ATRN: variants seen among roughly 807,000 people sequenced by gnomAD.
The protein encoded by ATRN is attractin.
Under a neutral mutation model 178.7 loss-of-function variants are expected in ATRN, and 54 were observed. The observed-to-expected ratio is 0.30, with a 90% confidence interval of 0.24 to 0.38. ATRN has a LOEUF of 0.38. ATRN is among the 10% of genes least tolerant of loss of function. The pLI, the probability that ATRN is intolerant of heterozygous loss-of-function variation, is 1.00. For missense variants in ATRN, 1,443 were observed against 1,815.1 expected, an observed-to-expected ratio of 0.79 and a Z score of 3.73; for synonymous variants, 636 against 663.0, an observed-to-expected ratio of 0.96 and a Z score of 0.63.
chr20:3,540,481 C>A, intron 3 of ATRN, 146 bp downstream of exon 3: 1 of 577,052 alleles, frequency 1.7e-6, no homozygotes, highest in Non-Finnish European at 3.0e-6. Context: ...AGTCCCATCA[C>A]TTGTGTGTTA....
Position 3,560,988 on chromosome 20 carries a change from T to C in ATRN, c.1447+83T>C, listed in dbSNP as rs1265726816. ...TTATTATTTTGACTGTTTAGAAAAG[T>C]TCAACCTAATCTTGATTCGGTACTT... On this transcript the variant is annotated intron_variant, in intron 8 of 28. Transcript: ENST00000262919. 4 of 1,479,898 alleles carry C rather than the reference T, an allele frequency of 2.7e-6. No homozygotes were observed. In the African/African-American group the frequency reaches 5.6e-5, roughly 21 times the overall value. The allele number at this position is 1,479,898 out of a possible 1,614,324, so 91.7% of individuals were successfully genotyped here. A position where few individuals can be genotyped will look rare whatever the true frequency, so the allele number is the denominator to read the frequency against.
At chr20:3,545,364 CAAA>C (rs1332216289) in intron 3 of ATRN, among the ~76,000 whole-genome samples, 4 of 86,334 alleles carry the variant, frequency 4.6e-5, no homozygotes, top group Admixed American at 1.3e-4. Context: ...AACTCTGTCT[CAAA>C]AAAAAAAAAA....
intron 2 of ATRN, among the ~76,000 whole-genome samples, chr20:3,537,465 G>T (rs2085552336): frequency 1.3e-5 from 2 of 151,000 alleles, no homozygotes; most frequent in South Asian, 2.1e-4. Flanking sequence ...TTAAGCAAAA[G>T]AAGTGTTTTA....
intron 1 of ATRN, among the ~76,000 whole-genome samples, chr20:3,518,069 G>A (rs190276143): frequency 2.6e-5 from 4 of 152,320 alleles, no homozygotes; most frequent in African/African-American, 4.8e-5. Flanking sequence ...GCTATCTTCA[G>A]TGTGTTCTGT....
intron 4 of ATRN, among the ~76,000 whole-genome samples, chr20:3,546,389 GTTT>G (rs559052230): frequency 1.8e-5 from 2 of 113,404 alleles, no homozygotes. Context: ...TAGTTCAACT[GTTT>G]TTTTTTTTTT....
At chr20:3,564,761 T>G (rs1401361775) in intron 10 of ATRN, among the ~76,000 whole-genome samples, 1 of 152,196 alleles carries the variant, frequency 6.6e-6, no homozygotes, top group Non-Finnish European at 1.5e-5. Context: ...ATGTAAAATT[T>G]GCTTGCTTTA....
At position 3,512,032 on chromosome 20, in the gene ATRN, T is replaced by C. The variant is rs1257460272; in HGVS notation, c.411-23221T>C. ...GGCAAAAAGAAAAGCTAGTTTTACC[T>C]GACTTTTTTTTTTTTTGGAAGGCCT... On this transcript the variant is annotated intron_variant, in intron 1 of 28. Coordinates refer to ENST00000262919, the MANE Select transcript of ATRN (RefSeq NM_139321.3). Among the ~76,000 whole-genome samples, 4 of 135,622 alleles carry C rather than the reference T, an allele frequency of 2.9e-5. No individual in the cohort carries two copies. The East Asian group carries it at 5.9e-4, about 20-fold the overall frequency. 89.0% of individuals were successfully genotyped at this position (135,622 alleles called of 152,430 possible).
At chr20:3,498,797 A>G (rs1296839474) in intron 1 of ATRN, among the ~76,000 whole-genome samples, 1 of 145,892 alleles carries the variant, frequency 6.9e-6, no homozygotes, top group East Asian at 1.9e-4. Context: ...CTCTCTCACC[A>G]CTCCTATTCA....
rs2086437398 is a variant in ATRN at position 3,591,204 on chromosome 20, CAG to C, written c.3223_3224del (p.Ser1075HisfsTer3). 1 of 1,614,014 alleles carries C rather than the reference CAG, an allele frequency of 6.2e-7. No homozygotes were observed. Among genetic ancestry groups the C allele is most frequent in the African/African-American group, 1.3e-5 (1 of 74,934 alleles). On this transcript the variant is annotated frameshift_variant, in exon 19 of 29. Transcript: ENST00000262919. LOFTEE classifies it high-confidence loss of function. Reference sequence around the variant, plus strand: ...CAACGGCCACAGTAAATGCATCAATCAGAGCATCTGTGAGAAGTGTGAGAACC... The same window carrying C: ...CAACGGCCACAGTAAATGCATCAATCAGCATCTGTGAGAAGTGTGAGAACC... ...QCNGHSKCINQSICEKCENLT... is the reference protein window; with the variant it reads ...QCNGHSKCINXSICEKCENLT...
intron 3 of ATRN, among the ~76,000 whole-genome samples, chr20:3,543,317 G>A (rs1237369526): frequency 6.6e-6 from 1 of 152,222 alleles, no homozygotes; most frequent in African/African-American, 2.4e-5. Context: ...CTCACATGTA[G>A]TAAGTGCTTA....
At position 3,571,832 on chromosome 20, in the gene ATRN, T is replaced by C. The variant is rs192058391; in HGVS notation, c.1872-899T>C. The stretch of plus-strand genomic sequence containing the variant: ...CCATGTAAAACGTCTTTTTAATTCA[T>C]ATGACCAGATTTTTCAATCTTCTTT... On this transcript the variant is annotated intron_variant, in intron 11 of 28. Transcript: ENST00000262919. 5.9e-5 allele frequency among the ~76,000 whole-genome samples: 9 copies of C among 152,302 alleles called. No homozygotes were observed. The East Asian group carries it at 1.7e-3, about 29-fold the overall frequency.
intron 1 of ATRN, among the ~76,000 whole-genome samples, chr20:3,483,830 G>GA (rs1294357554): frequency 6.6e-6 from 1 of 152,062 alleles, no homozygotes; most frequent in Non-Finnish European, 1.5e-5. Context: ...GAGTTGAAGA[G>GA]ATACAATTTC....
At chr20:3,494,435 G>A (rs2084849979) in intron 1 of ATRN, among the ~76,000 whole-genome samples, 1 of 152,126 alleles carries the variant, frequency 6.6e-6, no homozygotes, top group South Asian at 2.1e-4. Context: ...AGGTGGCTCT[G>A]CAAAGAACTG....
At chr20:3,580,866 A>G (rs994236468) in intron 15 of ATRN, among the ~76,000 whole-genome samples, 2 of 152,214 alleles carry the variant, frequency 1.3e-5, no homozygotes, top group African/African-American at 4.8e-5. Context: ...GGGCCTTTAA[A>G]AAGTATTTTT....
chr20:3,535,218 C>T (rs911477530), intron 1 of ATRN, 35 bp from the exon 2 acceptor site: 1 of 1,029,892 alleles, frequency 9.7e-7, no homozygotes, highest in Non-Finnish European at 1.3e-6. Flanking sequence ...ATTAATATAG[C>T]AGACTTAAGT....
intron 27 of ATRN, among the ~76,000 whole-genome samples, chr20:3,642,329 G>A (rs2087075648): frequency 6.6e-6 from 1 of 152,182 alleles, no homozygotes; most frequent in South Asian, 2.1e-4. Flanking sequence ...CATGGCCATG[G>A]CCAAACTGAG....
chr20:3,552,966 C>T (rs1020397619), intron 6 of ATRN, among the ~76,000 whole-genome samples: 7 of 152,044 alleles, frequency 4.6e-5, no homozygotes, highest in Admixed American at 1.3e-4. Context: ...CTATCATCTT[C>T]GCCATATTCT....
chr20:3,505,909 G>A (rs993999074), intron 1 of ATRN, among the ~76,000 whole-genome samples: 11 of 152,194 alleles, frequency 7.2e-5, no homozygotes, highest in South Asian at 2.1e-4. Context: ...TACATTAAGC[G>A]TTGCCAGGGC....
intron 1 of ATRN, among the ~76,000 whole-genome samples, chr20:3,506,149 A>G (rs567261212): frequency 5.3e-5 from 8 of 152,292 alleles, no homozygotes; most frequent in East Asian, 1.9e-4. Context: ...ATCAATGTCA[A>G]TATTCTGGTT....
Sources: allele counts gnomAD v4.1 joint callset (sites outside exome capture counted in the v4.1 genomes callset), GRCh38; gene constraint gnomAD v4.1.1; transcripts MANE v1.5; gene names NCBI Gene and HGNC (gene_info 2026-07-23, HGNC 2026-07-21).